Variants in DUSP29 observed in about 807,000 individuals in gnomAD.
The protein encoded by DUSP29 is atypical dual-specific protein phosphatase.
A neutral mutation model predicts 13.5 loss-of-function variants in DUSP29; 12 were observed. That is an observed-to-expected ratio of 0.89 (90% CI 0.57 to 1.44). The LOEUF is 1.44. DUSP29 is among the 40% of genes most tolerant of loss of function. DUSP29 has a pLI of 0.00. For missense variants in DUSP29, 308 were observed against 301.1 expected (o/e 1.02, Z -0.17); for synonymous variants, 134 against 128.7 (o/e 1.04, Z -0.28).
At position 75,058,370 on chromosome 10, in the gene DUSP29, T is replaced by C; in HGVS notation, c.145A>G (p.Ser49Gly). The change falls in exon 2 of 4, where the codon AGT becomes GGT. Residue 49 changes from serine (S) to glycine (G), a missense_variant. By Grantham distance (56) the Ser-to-Gly change is moderately conservative (BLOSUM62 0). Coordinates refer to ENST00000338487, the MANE Select transcript of DUSP29 (RefSeq NM_001003892.3). ...TCGTTGACGTGGGTGTACTGGGGAC[T>C]GCCCTTCCAGAAGAGCCGCTCCAGC... ...FELERLFWKG[S>G]PQYTHVNEVW... 4 of 1,614,234 alleles carry C rather than the reference T, an allele frequency of 2.5e-6. No individual in the cohort carries two copies. The highest frequency in any genetic ancestry group is 3.4e-6 in the Non-Finnish European group (4 of 1,180,036).
At chr10:75,065,648 C>G (rs1399510041) in intron 1 of DUSP29, among the ~76,000 whole-genome samples, 1 of 151,984 alleles carries the variant, frequency 6.6e-6, no homozygotes, top group Non-Finnish European at 1.5e-5. Context: ...TTTTGAAGAG[C>G]CACATACAGG....
intron 1 of DUSP29, among the ~76,000 whole-genome samples, chr10:75,065,453 G>A (rs945175397): frequency 4.6e-5 from 7 of 151,088 alleles, no homozygotes; most frequent in East Asian, 1.9e-4. Context: ...CTCAGCCTCC[G>A]GAGTAGCTGA....
At chr10:75,038,493 CT>C (rs1206918262) in intron 3 of DUSP29, among the ~76,000 whole-genome samples, 2 of 152,160 alleles carry the variant, frequency 1.3e-5, no homozygotes, top group Admixed American at 6.5e-5. Context: ...ATGTCCACCC[CT>C]GGCATTCAAA....
At chr10:75,056,301 G>A (rs554279291) in intron 2 of DUSP29, among the ~76,000 whole-genome samples, 7 of 152,168 alleles carry the variant, frequency 4.6e-5, no homozygotes, top group African/African-American at 1.7e-4. Context: ...GCTGAGGCAG[G>A]TGGATCACCT....
At chr10:75,072,325 G>A (rs1847347394) in intron 1 of DUSP29, among the ~76,000 whole-genome samples, 1 of 152,154 alleles carries the variant, frequency 6.6e-6, no homozygotes. Flanking sequence ...TGGGGTCAGA[G>A]CCCCACAGCC....
In DUSP29 at chr10:75,038,091, A is replaced by G; in HGVS notation, c.422-14T>C. 6.2e-7 allele frequency: 1 copy of G among 1,606,542 alleles called. No individual in the cohort carries two copies. The highest frequency in any genetic ancestry group is 8.5e-7 in the Non-Finnish European group (1 of 1,175,010). Reference sequence around the variant, plus strand: ...CCAGGATCTTACCTGCAGATGGAGCAGGGAGGAGAAAACCCACACTGAGGG... The same window carrying G: ...CCAGGATCTTACCTGCAGATGGAGCGGGGAGGAGAAAACCCACACTGAGGG... On this transcript the variant is annotated splice_polypyrimidine_tract_variant and intron_variant, in intron 3 of 3. Transcript: ENST00000338487.
At chr10:75,047,068 A>G (rs889908804) in intron 2 of DUSP29, among the ~76,000 whole-genome samples, 1 of 152,144 alleles carries the variant, frequency 6.6e-6, no homozygotes, top group African/African-American at 2.4e-5. Context: ...CTCCATATCC[A>G]CCACACCAGG....
In DUSP29 at chr10:75,043,950, C is replaced by T; in HGVS notation, c.268G>A (p.Gly90Ser). Reference sequence around the variant, plus strand: ...GGCCCAGTGTCCACGTTCCAGCGGCCGTGGGCCGCGTTCAGCACGTGCGTG... The same window carrying T: ...GGCCCAGTGTCCACGTTCCAGCGGCTGTGGGCCGCGTTCAGCACGTGCGTG... ...GFTHVLNAAH[G>S]RWNVDTGPDY... The change falls in exon 3 of 4, where the codon GGC becomes AGC. Residue 90 changes from glycine to serine, a missense_variant. Transcript: ENST00000338487. The T allele has an allele frequency of 5.6e-6, 9 of 1,613,516 alleles. No homozygotes were observed. Among genetic ancestry groups the T allele is most frequent in the Non-Finnish European group, 6.8e-6 (8 of 1,179,928 alleles).
rs956569745 is a variant in DUSP29 at position 75,058,601 on chromosome 10, G to A, written c.-34-53C>T. 7.7e-6 allele frequency: 11 copies of A among 1,437,070 alleles called. No individual in the cohort carries two copies. The African/African-American group carries it at 1.5e-4, about 20-fold the overall frequency. The allele number at this position is 1,437,070 out of a possible 1,614,324, so 89.0% of individuals were successfully genotyped here. A position where few individuals can be genotyped will look rare whatever the true frequency, so the allele number is the denominator to read the frequency against. ...GGTTAGCAGGGGACACTGAGGCAGG[G>A]AATAGGCTTTACAAAAAGAGGTGGG... On this transcript the variant is annotated intron_variant, in intron 1 of 3. Transcript: ENST00000338487.
chr10:75,063,336 C>A (rs1399739884), intron 1 of DUSP29, among the ~76,000 whole-genome samples: 2 of 152,076 alleles, frequency 1.3e-5, no homozygotes, highest in African/African-American at 4.8e-5. Flanking sequence ...CCTACAGGTG[C>A]CTCCTCAGCT....
rs756200158 is a variant in DUSP29 at position 75,043,817 on chromosome 10, C to T, written c.401G>A (p.Arg134Lys). 3 of 1,613,424 alleles carry T rather than the reference C, an allele frequency of 1.9e-6. No individual in the cohort carries two copies. Among genetic ancestry groups the T allele is most frequent in the Middle Eastern group, 3.3e-4 (2 of 6,018 alleles). ...CTTACTGTGGTCGTCGCTTAGCGCT[C>T]TGTCGATGAAGGCTGCCGCCGGGTA... ...FFYPAAAFIDRALSDDHSKIL... is the reference protein window; with the variant it reads ...FFYPAAAFIDKALSDDHSKIL... Residue 134 changes from arginine (R) to lysine (K), a missense_variant, in exon 3 of 4, where the codon AGA becomes AAA. Transcript: ENST00000338487.
chr10:75,053,055 A>T (rs1354154830), intron 2 of DUSP29, among the ~76,000 whole-genome samples: 2 of 152,212 alleles, frequency 1.3e-5, no homozygotes, highest in Non-Finnish European at 2.9e-5. Flanking sequence ...TGGGTCCTAG[A>T]GTAAAGTGGC....
intron 1 of DUSP29, among the ~76,000 whole-genome samples, chr10:75,059,375 C>T (rs143143039): frequency 2.2e-3 from 329 of 152,296 alleles, no homozygotes; most frequent in African/African-American, 7.4e-3. Context: ...AATGATGCAC[C>T]TATGGTCAGC....
In DUSP29 at chr10:75,041,201, G is replaced by A. The variant is rs376967818; in HGVS notation, c.421+2596C>T. Among the ~76,000 whole-genome samples, 28 of 152,266 alleles carry A rather than the reference G, an allele frequency of 1.8e-4. No homozygotes were observed. In the South Asian group the frequency reaches 2.7e-3, roughly 15 times the overall value. ...GTGGCAGGTGGGCTGAGCACCTGCC[G>A]TCCACTGGGTATGAAGTCTGTGGCA... On this transcript the variant is annotated intron_variant, in intron 3 of 3. Coordinates refer to ENST00000338487, the MANE Select transcript of DUSP29 (RefSeq NM_001003892.3).
intron 1 of DUSP29, among the ~76,000 whole-genome samples, chr10:75,063,892 G>T (rs1847140917): frequency 6.6e-6 from 1 of 152,052 alleles, no homozygotes; most frequent in South Asian, 2.1e-4. Context: ...AATGTAAGGA[G>T]AAAAGAAAAA....
At chr10:75,041,712 G>C (rs1313808655) in intron 3 of DUSP29, among the ~76,000 whole-genome samples, 1 of 152,200 alleles carries the variant, frequency 6.6e-6, no homozygotes, top group African/African-American at 2.4e-5. Context: ...ATCTGGTCGA[G>C]TCCCGGCACC....
At chr10:75,058,170 A>G (rs4746256) in intron 2 of DUSP29, 145 bp downstream of exon 2, 81,798 of 932,410 alleles carry the variant, frequency 0.088, 5,032 homozygotes, top group South Asian at 0.25. Context: ...GTTTTCTGTA[A>G]TGTGAAGGCA....
rs1306847557 is a variant in DUSP29 at position 75,037,688 on chromosome 10, T to A, written c.*148A>T. The A allele has an allele frequency of 2.9e-6, 4 of 1,379,702 alleles. No individual in the cohort carries two copies. Among genetic ancestry groups the A allele is most frequent in the African/African-American group, 1.4e-5 (1 of 69,266 alleles). 85.5% of individuals were successfully genotyped at this position (1,379,702 alleles called of 1,614,324 possible). A position where few individuals can be genotyped will look rare whatever the true frequency, so the allele number is the denominator to read the frequency against. Reference sequence around the variant, plus strand: ...CGGGGGCAGCTCTGGGTCCTCCCTGTCCCCAGCACACATGGGGAAGTTGAA... The same window carrying A: ...CGGGGGCAGCTCTGGGTCCTCCCTGACCCCAGCACACATGGGGAAGTTGAA... On this transcript the variant is annotated 3_prime_UTR_variant, in exon 4 of 4. Transcript: ENST00000338487.
Position 75,042,978 on chromosome 10 carries a change from G to A in DUSP29, c.421+819C>T, listed in dbSNP as rs117747872. ...CTGTATATTGTCTTACCCCCGATGC[G>A]TCCCTAAGCTGTGCCCTTCTCTCCA... On this transcript the variant is annotated intron_variant, in intron 3 of 3. Coordinates refer to ENST00000338487, the MANE Select transcript of DUSP29 (RefSeq NM_001003892.3). Among the ~76,000 whole-genome samples, 178 of 152,358 alleles carry A rather than the reference G, an allele frequency of 1.2e-3. 3 individuals carry two copies. In the East Asian group the frequency reaches 0.019, roughly 16 times the overall value.
Sources: gnomAD v4.1 joint callset for allele counts (sites outside exome capture counted in the v4.1 genomes callset) on GRCh38, gnomAD v4.1.1 for gene constraint, MANE v1.5 for transcripts, NCBI Gene and HGNC (gene_info 2026-07-23, HGNC 2026-07-21) for gene names.